EPHA7: variants seen among roughly 807,000 people sequenced by gnomAD.
EPHA7 encodes the protein EPH receptor A7, also known as ephrin type-A receptor 7.
Under a neutral mutation model 112.6 loss-of-function variants are expected in EPHA7, and 25 were observed. The ratio of observed to expected loss-of-function variants is 0.22; its 90% CI spans 0.16 to 0.31. The LOEUF (loss-of-function observed/expected upper bound fraction) is 0.31, where lower values mean the gene tolerates loss of function less well. EPHA7 is among the 10% of genes least tolerant of loss of function. The probability of loss-of-function intolerance (pLI) is 1.00; values close to 1 mark genes in which losing one functional copy is unlikely to be tolerated. For missense variants in EPHA7, 962 were observed against 1,212.6 expected, an observed-to-expected ratio of 0.79 and a Z score of 3.07; for synonymous variants, 437 against 406.5, an observed-to-expected ratio of 1.07 and a Z score of -0.90.
intron 5 of EPHA7, among the ~76,000 whole-genome samples, chr6:93,297,912 G>C (rs1247708827): frequency 6.6e-6 from 1 of 151,998 alleles, no homozygotes; most frequent in Non-Finnish European, 1.5e-5. Flanking sequence ...ATATGTAATT[G>C]CCCATTGATT....
chr6:93,288,160 C>G (rs1197191109), intron 5 of EPHA7, among the ~76,000 whole-genome samples: 1 of 151,766 alleles, frequency 6.6e-6, no homozygotes, highest in Non-Finnish European at 1.5e-5. Flanking sequence ...TCATATAGCC[C>G]AAAAGTGGAA....
chr6:93,314,845 A>G (rs867270795), intron 5 of EPHA7, among the ~76,000 whole-genome samples: 4 of 150,520 alleles, frequency 2.7e-5, no homozygotes, highest in Non-Finnish European at 4.4e-5. Context: ...ATTAAGACTG[A>G]CAATATAATT....
intron 5 of EPHA7, among the ~76,000 whole-genome samples, chr6:93,337,140 C>T (rs962287566): frequency 1.3e-5 from 2 of 152,090 alleles, no homozygotes; most frequent in Non-Finnish European, 2.9e-5. Context: ...TTTTCAAATC[C>T]GCAATTCAAA....
chr6:93,327,231 T>C (rs1774366625), intron 5 of EPHA7, among the ~76,000 whole-genome samples: 1 of 151,596 alleles, frequency 6.6e-6, no homozygotes, highest in Non-Finnish European at 1.5e-5. Flanking sequence ...GACAGATCAT[T>C]GCCTCCTCCT....
At chr6:93,389,303 A>G (rs1278011098) in intron 3 of EPHA7, among the ~76,000 whole-genome samples, 1 of 152,076 alleles carries the variant, frequency 6.6e-6, no homozygotes, top group Non-Finnish European at 1.5e-5. Context: ...TGTGTATTAC[A>G]TCACTTGTTC....
At chr6:93,345,388 A>C (rs1247054347) in intron 5 of EPHA7, among the ~76,000 whole-genome samples, 4 of 151,696 alleles carry the variant, frequency 2.6e-5, no homozygotes, top group Non-Finnish European at 5.9e-5. Context: ...GTTTTTCACA[A>C]ATCTTCCTCT....
chr6:93,314,347 T>G (rs2127871006), intron 5 of EPHA7, among the ~76,000 whole-genome samples: 1 of 152,312 alleles, frequency 6.6e-6, no homozygotes, highest in South Asian at 2.1e-4. Flanking sequence ...GTAATCATCC[T>G]TATTACTATT....
intron 5 of EPHA7, among the ~76,000 whole-genome samples, chr6:93,322,245 C>G (rs1343432045): frequency 6.6e-6 from 1 of 151,572 alleles, no homozygotes; most frequent in African/African-American, 2.4e-5. Flanking sequence ...ATAATTTACA[C>G]TGTAGGAAAG....
intron 5 of EPHA7, among the ~76,000 whole-genome samples, chr6:93,294,205 T>C (rs1464621058): frequency 3.3e-5 from 5 of 152,190 alleles, no homozygotes; most frequent in Non-Finnish European, 5.9e-5. Context: ...AAAGTCTTAA[T>C]ACACTATGAT....
chr6:93,395,837 TCTC>T (rs1243600816), intron 3 of EPHA7, among the ~76,000 whole-genome samples: 2 of 151,794 alleles, frequency 1.3e-5, no homozygotes, highest in Non-Finnish European at 2.9e-5. Context: ...TGCTGACCCT[TCTC>T]CTCTGAAAGT....
chr6:93,287,131 T>C (rs1462912475), intron 5 of EPHA7, among the ~76,000 whole-genome samples: 1 of 152,216 alleles, frequency 6.6e-6, no homozygotes, highest in African/African-American at 2.4e-5. Context: ...CTTCACTCTT[T>C]TATATAAGCC....
intron 5 of EPHA7, among the ~76,000 whole-genome samples, chr6:93,334,726 A>G (rs976322622): frequency 1.3e-5 from 2 of 152,074 alleles, no homozygotes; most frequent in African/African-American, 4.8e-5. Context: ...TCCATGCATT[A>G]TAACTAGGCT....
At chr6:93,266,217 G>A (rs2127871703) in intron 7 of EPHA7, among the ~76,000 whole-genome samples, 1 of 151,672 alleles carries the variant, frequency 6.6e-6, no homozygotes, top group South Asian at 2.1e-4. Flanking sequence ...GTTTTTTAAT[G>A]TACATTTTAA....
chr6:93,346,554 TTAC>T (rs1775415523), intron 5 of EPHA7, among the ~76,000 whole-genome samples: 1 of 151,856 alleles, frequency 6.6e-6, no homozygotes, highest in Non-Finnish European at 1.5e-5. Context: ...TGGCAGGGTA[TTAC>T]TAAAATATAA....
intron 3 of EPHA7, chr6:93,409,855 AACTTT>A (rs1408558285): frequency 7.3e-5 from 11 of 151,488 alleles, no homozygotes. Flanking sequence ...TAATAATTAA[AACTTT>A]ACTTTGGCCC....
intron 11 of EPHA7, among the ~76,000 whole-genome samples, 200 bp downstream of exon 11, chr6:93,257,899 C>T (rs1770510010): frequency 6.6e-6 from 1 of 151,920 alleles, no homozygotes; most frequent in African/African-American, 2.4e-5. Context: ...CAACTCTAAT[C>T]TTGCATTCAT....
chr6:93,348,359 T>C (rs2127932959), intron 5 of EPHA7, among the ~76,000 whole-genome samples: 1 of 151,860 alleles, frequency 6.6e-6, no homozygotes, highest in East Asian at 1.9e-4. Context: ...AATATTAAAA[T>C]AATGTATGAA....
chr6:93,419,554 C>T lies in EPHA7; in HGVS notation c.-213G>A. 2.0e-6 allele frequency: 1 copy of T among 503,274 alleles called. No homozygotes were observed. The highest frequency in any genetic ancestry group is 3.5e-6 in the Non-Finnish European group (1 of 287,880). 31.2% of individuals were successfully genotyped at this position (503,274 alleles called of 1,614,324 possible). The stretch of plus-strand genomic sequence containing the variant: ...TTTGCTGCCTGCAAGTCTCCGACTG[C>T]AGACCGGCCGCTTGCTCCACACTCC... On this transcript the variant is annotated 5_prime_UTR_variant, in exon 1 of 17. Coordinates refer to ENST00000369303, the MANE Select transcript of EPHA7 (RefSeq NM_004440.4).
At chr6:93,320,274 C>T (rs1453238011) in intron 5 of EPHA7, among the ~76,000 whole-genome samples, 1 of 151,958 alleles carries the variant, frequency 6.6e-6, no homozygotes, top group Non-Finnish European at 1.5e-5. Flanking sequence ...TAAGAAGTTT[C>T]AGCATGTTGG....
Sources: gnomAD v4.1 joint callset for allele counts (sites outside exome capture counted in the v4.1 genomes callset) on GRCh38, gnomAD v4.1.1 for gene constraint, MANE v1.5 for transcripts, NCBI Gene and HGNC (gene_info 2026-07-23, HGNC 2026-07-21) for gene names.